SLC9C1: variants seen among roughly 807,000 people sequenced by gnomAD.
SLC9C1 encodes the protein sodium/hydrogen exchanger 10.
SLC9C1 carries 97 observed loss-of-function variants against 140.9 expected under a neutral mutation model. That is an observed-to-expected ratio of 0.69 (90% CI 0.58 to 0.82). The LOEUF is 0.82. Ranked by LOEUF, SLC9C1 falls within the 40% of genes least tolerant of loss-of-function variation. The pLI, the probability that SLC9C1 is intolerant of heterozygous loss-of-function variation, is 0.00. For synonymous variants in SLC9C1, 440 were observed against 442.6 expected (o/e 0.99, Z 0.07); for missense variants, 1,340 against 1,389.3 (o/e 0.96, Z 0.56).
chr3:112,165,036 T>C (rs2077092906), intron 26 of SLC9C1, among the ~76,000 whole-genome samples: 1 of 152,266 alleles, frequency 6.6e-6, no homozygotes, highest in Non-Finnish European at 1.5e-5. Flanking sequence ...CTTCCATCAC[T>C]GATATCCTTT....
chr3:112,212,034 C>T (rs911201187), intron 15 of SLC9C1, among the ~76,000 whole-genome samples: 4 of 152,252 alleles, frequency 2.6e-5, no homozygotes, highest in Admixed American at 6.5e-5. Context: ...CAGGCAGCAA[C>T]ATTTGCTGTT....
intron 8 of SLC9C1, among the ~76,000 whole-genome samples, chr3:112,265,809 GCA>G (rs1161352902): frequency 6.6e-5 from 10 of 151,938 alleles, no homozygotes; most frequent in South Asian, 2.1e-4. Flanking sequence ...GCTTTACACA[GCA>G]CCTCATTGTC....
intron 26 of SLC9C1, among the ~76,000 whole-genome samples, chr3:112,160,377 GT>G (rs2075258989): frequency 6.6e-6 from 1 of 151,072 alleles, no homozygotes; most frequent in South Asian, 2.1e-4. Flanking sequence ...CCACTAACTT[GT>G]CATCTAGCAT....
At chr3:112,282,797 A>G (rs2080395052) in intron 2 of SLC9C1, among the ~76,000 whole-genome samples, 1 of 152,218 alleles carries the variant, frequency 6.6e-6, no homozygotes, top group Admixed American at 6.5e-5. Flanking sequence ...AATATAGTTT[A>G]TACTTTTATC....
chr3:112,219,350 G>T (rs994201795), intron 14 of SLC9C1, among the ~76,000 whole-genome samples: 3 of 152,096 alleles, frequency 2.0e-5, no homozygotes, highest in African/African-American at 7.2e-5. Flanking sequence ...GTTCTCCAGG[G>T]GCTGGAATAC....
At chr3:112,218,710 G>A (rs2078456970) in intron 14 of SLC9C1, among the ~76,000 whole-genome samples, 1 of 152,274 alleles carries the variant, frequency 6.6e-6, no homozygotes, top group African/African-American at 2.4e-5. Context: ...GCAGTAAAAC[G>A]TGGTAAGTGT....
chr3:112,231,795 G>A (rs1295160232), intron 12 of SLC9C1, among the ~76,000 whole-genome samples: 1 of 152,080 alleles, frequency 6.6e-6, no homozygotes, highest in Non-Finnish European at 1.5e-5. Context: ...TTCAAAGTGT[G>A]GTCTCCCAGC....
chr3:112,231,383 C>T lies in SLC9C1; in HGVS notation c.1550G>A (p.Arg517Lys). ...FNTEAMELAN[R>K]RLLSAQIASY... ...TACTATTTGTGCTGACAAGAGACGC[C>T]TGTTGGCCAGCTCCATTGCTTCAGT... Residue 517 changes from arginine (R) to lysine (K), a missense_variant, in exon 13 of 29, where the codon AGG becomes AAG. By Grantham distance (26) the Arg-to-Lys change is conservative (BLOSUM62 2). Transcript: ENST00000305815. 6.2e-7 allele frequency: 1 copy of T among 1,613,426 alleles called. No individual in the cohort carries two copies. The highest frequency in any genetic ancestry group is 8.5e-7 in the Non-Finnish European group (1 of 1,179,684).
At chr3:112,278,449 C>A (rs1438411822) in intron 4 of SLC9C1, among the ~76,000 whole-genome samples, 1 of 152,112 alleles carries the variant, frequency 6.6e-6, no homozygotes, top group Non-Finnish European at 1.5e-5. Context: ...TCTCATAGCA[C>A]TCTTGTAGCA....
chr3:112,204,756 A>G (rs1470066311), intron 16 of SLC9C1, among the ~76,000 whole-genome samples: 1 of 152,112 alleles, frequency 6.6e-6, no homozygotes, highest in Non-Finnish European at 1.5e-5. Context: ...ATGCCATAAA[A>G]ATCCTGGGGG....
intron 14 of SLC9C1, 46 bp downstream of exon 14, chr3:112,221,082 A>C: frequency 1.3e-6 from 2 of 1,513,684 alleles, no homozygotes; most frequent in African/African-American, 1.4e-5. Context: ...TAATTTCCTA[A>C]ATGCTGTGGC....
intron 1 of SLC9C1, among the ~76,000 whole-genome samples, chr3:112,291,810 A>C (rs1269170507): frequency 6.6e-6 from 1 of 152,196 alleles, no homozygotes; most frequent in Non-Finnish European, 1.5e-5. Flanking sequence ...ATAAAGACAT[A>C]TGCATGCGTA....
intron 1 of SLC9C1, among the ~76,000 whole-genome samples, chr3:112,291,764 G>A (rs143748150): frequency 2.1e-3 from 317 of 152,226 alleles, no homozygotes; most frequent in African/African-American, 7.1e-3. Flanking sequence ...ATCCCATTAC[G>A]GGGTATAAAC....
At chr3:112,243,706 TTTG>T (rs1162564743) in intron 11 of SLC9C1, among the ~76,000 whole-genome samples, 1 of 151,632 alleles carries the variant, frequency 6.6e-6, no homozygotes, top group East Asian at 1.9e-4. Flanking sequence ...TTTTTTTTTT[TTTG>T]AGACAGGGTC....
At chr3:112,166,912 C>G (rs2077150537) in intron 26 of SLC9C1, among the ~76,000 whole-genome samples, 1 of 152,064 alleles carries the variant, frequency 6.6e-6, no homozygotes. Flanking sequence ...CAGTACAATG[C>G]TCTTTTTATT....
At chr3:112,277,580 C>T in intron 5 of SLC9C1, 115 bp downstream of exon 5, 3 of 874,186 alleles carry the variant, frequency 3.4e-6, no homozygotes, top group Non-Finnish European at 4.9e-6. Context: ...AACCCCCAAT[C>T]CCTCACTACC....
rs1417490617 is a variant in SLC9C1, at chr3:112,231,477, C to T, written c.1456G>A (p.Glu486Lys). 2 of 1,608,774 alleles carry T rather than the reference C, an allele frequency of 1.2e-6. No homozygotes were observed. Among genetic ancestry groups the T allele is most frequent in the South Asian group, 1.1e-5 (1 of 90,338 alleles). ...TLENPYMLNEEETTEHQKVKC... is the reference protein window; with the variant it reads ...TLENPYMLNEKETTEHQKVKC... ...ACCTTCTGATGTTCTGTTGTTTCTT[C>T]TTCGTTCAACTAAATAAAACATAAA... is the stretch of plus-strand genomic sequence containing the variant. Residue 486 changes from glutamate to lysine, a missense_variant, in exon 13 of 29, where the codon GAA (glutamate) becomes AAA (lysine). Transcript: ENST00000305815.
intron 2 of SLC9C1, among the ~76,000 whole-genome samples, chr3:112,282,403 G>T (rs2080383067): frequency 1.3e-5 from 2 of 152,298 alleles, no homozygotes; most frequent in South Asian, 4.1e-4. Flanking sequence ...CCAAAGAATG[G>T]CAACATCTGC....
At chr3:112,167,484 A>C in intron 25 of SLC9C1, 137 bp from the exon 26 acceptor site, 1 of 811,964 alleles carries the variant, frequency 1.2e-6, no homozygotes, top group Non-Finnish European at 1.8e-6. Flanking sequence ...CACAAATAAG[A>C]TTAATATCTT....
Sources: gnomAD v4.1 joint callset for allele counts (sites outside exome capture counted in the v4.1 genomes callset) on GRCh38, gnomAD v4.1.1 for gene constraint, MANE v1.5 for transcripts, NCBI Gene and HGNC (gene_info 2026-07-23, HGNC 2026-07-21) for gene names.